Variants in ZMYM4 observed in about 807,000 individuals in gnomAD.
ZMYM4 encodes the protein zinc finger MYM-type protein 4.
Under a neutral mutation model 183.2 loss-of-function variants are expected in ZMYM4, and 31 were observed. The ratio of observed to expected loss-of-function variants is 0.17; its 90% CI spans 0.13 to 0.23. The LOEUF is 0.23. Among genes scored for constraint, ZMYM4 ranks in the 10% least tolerant of loss-of-function variants. The pLI, the probability that ZMYM4 is intolerant of heterozygous loss-of-function variation, is 1.00. For missense variants in ZMYM4, 1,273 were observed against 1,840.3 expected, an observed-to-expected ratio of 0.69 and a Z score of 5.64; for synonymous variants, 592 against 631.2, an observed-to-expected ratio of 0.94 and a Z score of 0.93.
At chr1:35,412,092 C>CTT (rs1558198090) in intron 26 of ZMYM4, among the ~76,000 whole-genome samples, 1 of 150,034 alleles carries the variant, frequency 6.7e-6, no homozygotes, top group South Asian at 2.1e-4. Context: ...AGGGTTTCAC[C>CTT]GTGGTCTCGA....
intron 1 of ZMYM4, among the ~76,000 whole-genome samples, chr1:35,291,900 G>C (rs1640781590): frequency 1.3e-5 from 2 of 152,038 alleles, no homozygotes; most frequent in Non-Finnish European, 2.9e-5. Flanking sequence ...CTCCCAAAGT[G>C]CTGGGATTAC....
intron 1 of ZMYM4, among the ~76,000 whole-genome samples, chr1:35,308,366 G>A (rs1184858446): frequency 6.6e-6 from 1 of 152,148 alleles, no homozygotes. Context: ...CCACACAAAT[G>A]AAATGCAATG....
chr1:35,286,267 A>G (rs1158031576), intron 1 of ZMYM4, among the ~76,000 whole-genome samples: 2 of 152,134 alleles, frequency 1.3e-5, no homozygotes, highest in African/African-American at 4.8e-5. Context: ...CCAAAAGGAA[A>G]TTTTAAGAAA....
At chr1:35,361,537 T>G in intron 4 of ZMYM4, 82 bp from the exon 5 acceptor site, 383 of 1,452,678 alleles carry the variant, frequency 2.6e-4, no homozygotes, top group Middle Eastern at 4.0e-4. Flanking sequence ...TCATTTCCAA[T>G]GAGCTTTTCT....
At chr1:35,396,928 TC>T (rs1490140782) in intron 19 of ZMYM4, 3 of 557,796 alleles carry the variant, frequency 5.4e-6, no homozygotes, top group East Asian at 1.3e-4. Flanking sequence ...TAGAAAAAGA[TC>T]AGAAATGGTG....
chr1:35,361,050 G>C, intron 3 of ZMYM4, 144 bp from the exon 4 acceptor site: 1 of 585,834 alleles, frequency 1.7e-6, no homozygotes, highest in Non-Finnish European at 2.7e-6. Flanking sequence ...TACCTTTTGG[G>C]TGTTTTTGGG....
chr1:35,365,713 A>AT (rs956713595), intron 5 of ZMYM4, among the ~76,000 whole-genome samples: 1 of 152,100 alleles, frequency 6.6e-6, no homozygotes, highest in African/African-American at 2.4e-5. Flanking sequence ...TGGTAAAGGA[A>AT]TTTTTTTGTG....
chr1:35,375,946 C>T (rs547618537), intron 7 of ZMYM4, among the ~76,000 whole-genome samples: 1 of 152,106 alleles, frequency 6.6e-6, no homozygotes, highest in South Asian at 2.1e-4. Flanking sequence ...TGTGGTGCCA[C>T]ATGCCTGTAA....
intron 2 of ZMYM4, among the ~76,000 whole-genome samples, chr1:35,328,454 A>ATTTTTTTTTT (rs754078160): frequency 8.5e-5 from 10 of 117,082 alleles, no homozygotes; most frequent in Admixed American, 1.8e-4. Flanking sequence ...TAATTTTTTA[A>ATTTTTTTTTT]TTTTTTTTTT....
chr1:35,353,430 C>CA (rs1250502263), intron 2 of ZMYM4, among the ~76,000 whole-genome samples: 1 of 152,170 alleles, frequency 6.6e-6, no homozygotes, highest in Non-Finnish European at 1.5e-5. Flanking sequence ...ACATACATTG[C>CA]AGTTTTTTCC....
chr1:35,407,904 A>G (rs1645032856), intron 25 of ZMYM4, 104 bp from the exon 26 acceptor site: 1 of 1,432,522 alleles, frequency 7.0e-7, no homozygotes, highest in African/African-American at 1.4e-5. Context: ...ACTAGTCTGC[A>G]CCGCAGTGCC....
intron 2 of ZMYM4, among the ~76,000 whole-genome samples, chr1:35,340,303 T>G (rs967382870): frequency 6.6e-6 from 1 of 152,120 alleles, no homozygotes; most frequent in African/African-American, 2.4e-5. Context: ...CCAACCTGTT[T>G]TGGCACCAGG....
chr1:35,415,422 A>G (rs758674414), intron 27 of ZMYM4, 44 bp from the exon 28 acceptor site: 1 of 1,609,672 alleles, frequency 6.2e-7, no homozygotes, highest in Non-Finnish European at 8.5e-7. Flanking sequence ...AGTCTACTTT[A>G]GCAGGAGCTC....
At chr1:35,415,027 G>A (rs996409357) in intron 27 of ZMYM4, among the ~76,000 whole-genome samples, 1 of 152,128 alleles carries the variant, frequency 6.6e-6, no homozygotes, top group South Asian at 2.1e-4. Context: ...CAGCCTGGGT[G>A]ACAGAGTAAG....
intron 2 of ZMYM4, chr1:35,351,657 G>A (rs1470150530): frequency 3.2e-5 from 17 of 524,072 alleles, no homozygotes; most frequent in South Asian, 9.5e-5. Context: ...ATAAACTGAT[G>A]GATAGCAACA....
chr1:35,347,518 CTTT>C (rs574122860), intron 2 of ZMYM4, among the ~76,000 whole-genome samples: 1 of 148,942 alleles, frequency 6.7e-6, no homozygotes. Context: ...ACATTGCTTT[CTTT>C]TTTTTTTCCT....
chr1:35,333,115 A>G (rs1405720972), intron 2 of ZMYM4, among the ~76,000 whole-genome samples: 1 of 152,228 alleles, frequency 6.6e-6, no homozygotes, highest in African/African-American at 2.4e-5. Flanking sequence ...GTCACAGCAT[A>G]TAAAATACCC....
chr1:35,344,557 G>C (rs759482087), intron 2 of ZMYM4, among the ~76,000 whole-genome samples: 15 of 151,862 alleles, frequency 9.9e-5, no homozygotes, highest in Non-Finnish European at 1.8e-4. Context: ...TCATGAATGA[G>C]TATTAAATTT....
At chr1:35,309,623 A>C (rs1257546092) in intron 1 of ZMYM4, among the ~76,000 whole-genome samples, 1 of 151,980 alleles carries the variant, frequency 6.6e-6, no homozygotes, top group Non-Finnish European at 1.5e-5. Context: ...ATTTTTAGGG[A>C]TAGGTTGGGG....
Sources: allele counts gnomAD v4.1 joint callset (sites outside exome capture counted in the v4.1 genomes callset), GRCh38; gene constraint gnomAD v4.1.1; transcripts MANE v1.5; gene names NCBI Gene and HGNC (gene_info 2026-07-23, HGNC 2026-07-21).